PTPRG: variants seen among roughly 807,000 people sequenced by gnomAD.
The protein encoded by PTPRG is receptor-type tyrosine-protein phosphatase gamma.
A neutral mutation model predicts 165.3 loss-of-function variants in PTPRG; 102 were observed. That is an observed-to-expected ratio of 0.62 (90% CI 0.53 to 0.73). The LOEUF (loss-of-function observed/expected upper bound fraction) is 0.73. PTPRG is among the 30% of genes least tolerant of loss of function. The pLI is 0.00. For missense variants in PTPRG, 1,866 were observed against 1,861.4 expected, an observed-to-expected ratio of 1.00 and a Z score of -0.05; for synonymous variants, 675 against 669.5, an observed-to-expected ratio of 1.01 and a Z score of -0.13.
chr3:61,903,572 C>A (rs947871241), intron 2 of PTPRG, among the ~76,000 whole-genome samples: 13 of 152,094 alleles, frequency 8.5e-5, no homozygotes, highest in African/African-American at 2.9e-4. Flanking sequence ...CAGGGTTTCC[C>A]CATGTTGGCC....
At position 61,859,221 on chromosome 3, in the gene PTPRG, A is replaced by G. The variant is rs142471514; in HGVS notation, c.190+110239A>G. 3.9e-3 allele frequency among the ~76,000 whole-genome samples: 597 copies of G among 152,282 alleles called. 10 individuals are homozygous for G. Among genetic ancestry groups the G allele is most frequent in the Non-Finnish European group, 1.9e-3 (127 of 68,020 alleles). On this transcript the variant is annotated intron_variant, in intron 2 of 29. Transcript: ENST00000474889. ...TGCTGGGGTTCTTTATAATGAGAATACCATTCATTGGTCATTTATTACAAA... is the reference window on the plus strand; with the variant it reads ...TGCTGGGGTTCTTTATAATGAGAATGCCATTCATTGGTCATTTATTACAAA...
chr3:61,715,055 T>G (rs1286411861), intron 1 of PTPRG, among the ~76,000 whole-genome samples: 1 of 152,160 alleles, frequency 6.6e-6, no homozygotes, highest in Admixed American at 6.5e-5. Context: ...TTGCTGGTCA[T>G]GGGCAAGGAA....
intron 1 of PTPRG, among the ~76,000 whole-genome samples, chr3:61,608,186 TTCG>T: frequency 7.4e-6 from 1 of 135,192 alleles, no homozygotes; most frequent in Admixed American, 7.7e-5. Context: ...ATCTTCCTTC[TTCG>T]TACAGAGCCT....
intron 2 of PTPRG, among the ~76,000 whole-genome samples, chr3:61,954,559 G>A (rs906218911): frequency 1.3e-5 from 2 of 152,124 alleles, no homozygotes; most frequent in Admixed American, 6.6e-5. Flanking sequence ...GTGGGGAGAC[G>A]TTTATTCTAG....
At chr3:61,683,522 A>G (rs900151622) in intron 1 of PTPRG, among the ~76,000 whole-genome samples, 2 of 152,166 alleles carry the variant, frequency 1.3e-5, no homozygotes, top group African/African-American at 4.8e-5. Flanking sequence ...CAGCTCCCTC[A>G]TCCTTGGGGT....
intron 13 of PTPRG, among the ~76,000 whole-genome samples, chr3:62,227,576 G>C (rs1194915604): frequency 6.6e-6 from 1 of 152,232 alleles, no homozygotes; most frequent in Admixed American, 6.5e-5. Context: ...CATAGAGCTT[G>C]TAAGTTTTAG....
intron 6 of PTPRG, among the ~76,000 whole-genome samples, chr3:62,143,667 T>A (rs1704012313): frequency 6.6e-6 from 1 of 152,056 alleles, no homozygotes; most frequent in Non-Finnish European, 1.5e-5. Flanking sequence ...TTATTAAAAG[T>A]CTCCATTATG....
chr3:61,942,349 T>C (rs768218890), intron 2 of PTPRG, among the ~76,000 whole-genome samples: 17 of 152,108 alleles, frequency 1.1e-4, no homozygotes, highest in Non-Finnish European at 2.4e-4. Flanking sequence ...AACAGCAGAG[T>C]TAAGAGGAAG....
chr3:62,183,617 G>A (rs991994769), intron 8 of PTPRG, among the ~76,000 whole-genome samples: 8 of 151,936 alleles, frequency 5.3e-5, no homozygotes, highest in African/African-American at 7.3e-5. Context: ...TGGTGGGTGG[G>A]CACTATAGCA....
chr3:61,742,806 C>G, intron 1 of PTPRG: 4 of 1,607,342 alleles, frequency 2.5e-6, no homozygotes, highest in Non-Finnish European at 3.4e-6. Context: ...TGGCCAGCTT[C>G]TTGACCAGTT....
intron 4 of PTPRG, among the ~76,000 whole-genome samples, chr3:62,074,810 A>T (rs576352086): frequency 6.6e-6 from 1 of 152,154 alleles, no homozygotes; most frequent in Admixed American, 6.5e-5. Context: ...CTCTGGGCAC[A>T]GTTCATTTTG....
intron 2 of PTPRG, among the ~76,000 whole-genome samples, chr3:61,793,379 CAG>C (rs967184854): frequency 6.6e-6 from 1 of 152,142 alleles, no homozygotes; most frequent in Non-Finnish European, 1.5e-5. Flanking sequence ...CCCTCCCAAA[CAG>C]AATTTATCTT....
rs574395892 is a variant in PTPRG, at chr3:61,789,968, T to C, written c.190+40986T>C. Among the ~76,000 whole-genome samples, 3 of 152,344 alleles carry C rather than the reference T, an allele frequency of 2.0e-5. No homozygotes were observed. In the South Asian group the frequency reaches 6.2e-4, roughly 32 times the overall value. On this transcript the variant is annotated intron_variant, in intron 2 of 29. Coordinates refer to ENST00000474889, the MANE Select transcript of PTPRG (RefSeq NM_002841.4). ...AGATCTTGTGCATCACATGATTTAGTGCTTCATTTTCAGCAGCTGTTTCCT... is the reference window on the plus strand; with the variant it reads ...AGATCTTGTGCATCACATGATTTAGCGCTTCATTTTCAGCAGCTGTTTCCT...
At chr3:62,208,550 T>C (rs570751373) in intron 12 of PTPRG, among the ~76,000 whole-genome samples, 1 of 152,256 alleles carries the variant, frequency 6.6e-6, no homozygotes, top group South Asian at 2.1e-4. Flanking sequence ...TAAGGGGACA[T>C]TCCACTTCAG....
At position 61,807,799 on chromosome 3, in the gene PTPRG, A is replaced by G. The variant is rs148843775; in HGVS notation, c.190+58817A>G. ...AGATGTCAAATTGTATATTGAGACT[A>G]TTTATTCCATTCTTATAAGCAAAGC... is the stretch of plus-strand genomic sequence containing the variant. On this transcript the variant is annotated intron_variant, in intron 2 of 29. Transcript: ENST00000474889. Among the ~76,000 whole-genome samples the G allele has an allele frequency of 9.7e-4, 147 of 152,140 alleles. 1 individual carries two copies. The highest frequency in any genetic ancestry group is 3.3e-3 in the African/African-American group (139 of 41,516).
intron 2 of PTPRG, among the ~76,000 whole-genome samples, chr3:61,802,596 A>G (rs1213943844): frequency 2.0e-5 from 3 of 152,194 alleles, no homozygotes; most frequent in Non-Finnish European, 4.4e-5. Context: ...ATTGGAGCCT[A>G]TTATCCAGAT....
chr3:61,721,242 C>T (rs749035409), intron 1 of PTPRG, among the ~76,000 whole-genome samples: 3 of 152,150 alleles, frequency 2.0e-5, no homozygotes, highest in Non-Finnish European at 4.4e-5. Flanking sequence ...GAATTGCAAC[C>T]TGAACTATTT....
At chr3:61,989,019 C>T (rs1276791799) in intron 2 of PTPRG, among the ~76,000 whole-genome samples, 2 of 152,176 alleles carry the variant, frequency 1.3e-5, no homozygotes, top group South Asian at 2.1e-4. Context: ...GCATTTTCTA[C>T]GAGAGAGAAG....
intron 4 of PTPRG, among the ~76,000 whole-genome samples, chr3:62,024,621 T>A (rs1559752826): frequency 6.6e-6 from 1 of 152,238 alleles, no homozygotes; most frequent in African/African-American, 2.4e-5. Context: ...TTTATTCCCT[T>A]CTCTGTAGAA....
Sources: gnomAD v4.1 joint callset for allele counts (sites outside exome capture counted in the v4.1 genomes callset) on GRCh38, gnomAD v4.1.1 for gene constraint, MANE v1.5 for transcripts, NCBI Gene and HGNC (gene_info 2026-07-23, HGNC 2026-07-21) for gene names.